PCGF5: variants seen among roughly 807,000 people sequenced by gnomAD.
PCGF5 encodes the protein polycomb group RING finger protein 5.
In PCGF5, 9 loss-of-function variants were observed where a neutral mutation model predicts 44.3. The ratio of observed to expected loss-of-function variants is 0.20; its 90% CI spans 0.12 to 0.35. The LOEUF is 0.35. PCGF5 is among the 10% of genes least tolerant of loss of function. PCGF5 has a pLI of 1.00. For synonymous variants in PCGF5, 95 were observed against 102.5 expected, an observed-to-expected ratio of 0.93 and a Z score of 0.44; for missense variants, 146 against 305.3, an observed-to-expected ratio of 0.48 and a Z score of 3.89.
chr10:91,231,777 C>G (rs1354246500), intron 2 of PCGF5, among the ~76,000 whole-genome samples: 1 of 152,194 alleles, frequency 6.6e-6, no homozygotes, highest in East Asian at 1.9e-4. Context: ...ATGTCGAAAG[C>G]AGACCTGTTA....
At chr10:91,156,974 C>A in the PCGF5 span, among the ~76,000 whole-genome samples, 2 of 152,174 alleles carry the variant, frequency 1.3e-5, no homozygotes, top group Admixed American at 1.3e-4. Flanking sequence ...AGTAAGACTG[C>A]CCAGTTTTGA....
At chr10:91,162,863 GCGCCCGCCGC>G (rs1166763803), upstream of PCGF5, 1 of 149,304 alleles carries the variant, frequency 6.7e-6, no homozygotes, top group Non-Finnish European at 1.5e-5. Flanking sequence ...CGCTCGCCCC[GCGCCCGCCGC>G]CGCCAGCGCC....
chr10:91,208,981 A>G (rs1366264428), intron 1 of PCGF5, among the ~76,000 whole-genome samples: 1 of 152,190 alleles, frequency 6.6e-6, no homozygotes, highest in African/African-American at 2.4e-5. Context: ...GGTAGGTTTC[A>G]GTGGCTTTTG....
the PCGF5 span, among the ~76,000 whole-genome samples, chr10:91,156,898 A>G: frequency 6.6e-6 from 1 of 152,248 alleles, no homozygotes; most frequent in Non-Finnish European, 1.5e-5. Context: ...AATGATAATA[A>G]ATAACAAATT....
At chr10:91,246,988 TA>T (rs1845481667) in intron 3 of PCGF5, among the ~76,000 whole-genome samples, 1 of 147,860 alleles carries the variant, frequency 6.8e-6, no homozygotes, top group African/African-American at 2.5e-5. Flanking sequence ...GATAGATAGA[TA>T]GATAGATAGA....
chr10:91,229,886 T>G (rs1844952965), intron 2 of PCGF5, among the ~76,000 whole-genome samples: 1 of 152,176 alleles, frequency 6.6e-6, no homozygotes, highest in Non-Finnish European at 1.5e-5. Flanking sequence ...CTAGAAATGA[T>G]GTCATTGGTA....
chr10:91,220,714 G>A lies in PCGF5; in HGVS notation c.-306G>A, dbSNP rs573159764. 2.6e-5 allele frequency: 4 copies of A among 152,240 alleles called. No homozygotes were observed. Among genetic ancestry groups the A allele is most frequent in the Admixed American group, 2.0e-4 (3 of 15,274 alleles). The allele number at this position is 152,240 out of a possible 1,614,324, so 9.4% of individuals were successfully genotyped here. A position where few individuals can be genotyped will look rare whatever the true frequency, so the allele number is the denominator to read the frequency against. ...AGAGCCGGCGCGCTCCCGCCTGCAG[G>A]GGGAGAGCAGACGGGGCGCGGGGAC... On this transcript the variant is annotated 5_prime_UTR_variant, in exon 1 of 10. Transcript: ENST00000336126.
At chr10:91,214,218 C>T (rs950427969) in intron 1 of PCGF5, among the ~76,000 whole-genome samples, 4 of 151,880 alleles carry the variant, frequency 2.6e-5, no homozygotes. Context: ...GGGAGGATCA[C>T]TTGAGCCTGG....
chr10:91,206,837 C>G (rs1335968745), intron 1 of PCGF5, among the ~76,000 whole-genome samples: 1 of 152,174 alleles, frequency 6.6e-6, no homozygotes, highest in Non-Finnish European at 1.5e-5. Flanking sequence ...ACAGTTTAGT[C>G]CCTTACCTCA....
chr10:91,219,923 A>G (rs1844622330), upstream of PCGF5, among the ~76,000 whole-genome samples: 1 of 152,134 alleles, frequency 6.6e-6, no homozygotes, highest in South Asian at 2.1e-4. Context: ...TTGGAGAAAA[A>G]GCAAATATTT....
intron 1 of PCGF5, among the ~76,000 whole-genome samples, chr10:91,196,577 A>G (rs2133224527): frequency 6.6e-6 from 1 of 152,228 alleles, no homozygotes; most frequent in East Asian, 1.9e-4. Flanking sequence ...TTTCCTTACT[A>G]CCTTGACAAA....
At chr10:91,194,808 A>T (rs1416215251) in intron 1 of PCGF5, among the ~76,000 whole-genome samples, 1 of 152,296 alleles carries the variant, frequency 6.6e-6, no homozygotes, top group Non-Finnish European at 1.5e-5. Flanking sequence ...CCTCATTTTT[A>T]AAAAAGATAG....
At chr10:91,225,237 G>GT (rs895972850) in intron 2 of PCGF5, among the ~76,000 whole-genome samples, 4 of 146,082 alleles carry the variant, frequency 2.7e-5, no homozygotes, top group African/African-American at 7.5e-5. Flanking sequence ...TATCATATAT[G>GT]TATATATGAT....
At chr10:91,197,660 C>T (rs1394173798) in intron 1 of PCGF5, among the ~76,000 whole-genome samples, 2 of 151,876 alleles carry the variant, frequency 1.3e-5, no homozygotes, top group Non-Finnish European at 2.9e-5. Context: ...GCCTTGCTTC[C>T]AGAGGGAAAA....
At chr10:91,177,435 TCAGA>T (rs1453216680) in intron 1 of PCGF5, among the ~76,000 whole-genome samples, 1 of 152,232 alleles carries the variant, frequency 6.6e-6, no homozygotes, top group Non-Finnish European at 1.5e-5. Flanking sequence ...TTCCAAGCTG[TCAGA>T]CAGAGACATT....
chr10:91,227,053 C>G (rs1844859930), intron 2 of PCGF5, among the ~76,000 whole-genome samples: 2 of 151,708 alleles, frequency 1.3e-5, no homozygotes, highest in South Asian at 4.2e-4. Flanking sequence ...GCCTAACAAA[C>G]CAAAGGAAAT....
rs1846374028 is a variant in PCGF5, at chr10:91,278,586, G to A, written c.*270G>A. 4.9e-6 allele frequency: 2 copies of A among 406,510 alleles called. No homozygotes were observed. Among genetic ancestry groups the A allele is most frequent in the Non-Finnish European group, 8.8e-6 (2 of 226,730 alleles). The allele number at this position is 406,510 out of a possible 1,614,324, so 25.2% of individuals were successfully genotyped here. On this transcript the variant is annotated 3_prime_UTR_variant, in exon 10 of 10. Coordinates refer to ENST00000336126, the MANE Select transcript of PCGF5 (RefSeq NM_032373.5). Reference sequence around the variant, plus strand: ...ATGGTAAAAATCAGTTAGCTGTGCCGCCATGATTCACCCTTCTGAATATTT... The same window carrying A: ...ATGGTAAAAATCAGTTAGCTGTGCCACCATGATTCACCCTTCTGAATATTT...
At chr10:91,178,625 C>T (rs577145668) in intron 1 of PCGF5, among the ~76,000 whole-genome samples, 81 of 152,156 alleles carry the variant, frequency 5.3e-4, no homozygotes, top group African/African-American at 1.8e-3. Context: ...CCTGGGCCAG[C>T]CAGTCCTCCC....
chr10:91,193,512 C>G (rs1373405488), intron 1 of PCGF5, among the ~76,000 whole-genome samples: 1 of 151,642 alleles, frequency 6.6e-6, no homozygotes, highest in African/African-American at 2.4e-5. Context: ...ACAGCCAAGT[C>G]CTAAGGGGAG....
Sources: gnomAD v4.1 joint callset for allele counts (sites outside exome capture counted in the v4.1 genomes callset) on GRCh38, gnomAD v4.1.1 for gene constraint, MANE v1.5 for transcripts, NCBI Gene and HGNC (gene_info 2026-07-23, HGNC 2026-07-21) for gene names.